Variants in SPINK9 observed in about 807,000 individuals in gnomAD.
SPINK9 encodes serine peptidase inhibitor Kazal type 9.
A neutral mutation model predicts 10.8 loss-of-function variants in SPINK9; 3 were observed. The observed-to-expected ratio is 0.28, with a 90% CI of 0.13 to 0.72. The LOEUF is 0.72. Among genes scored for constraint, SPINK9 ranks in the 30% least tolerant of loss-of-function variants. SPINK9 has a pLI of 0.74. For synonymous variants in SPINK9, 30 were observed against 31.2 expected (o/e 0.96, Z 0.12); for missense variants, 101 against 103.2 (o/e 0.98, Z 0.09).
chr5:148,336,983 G>C (rs1408126171), intron 2 of SPINK9, among the ~76,000 whole-genome samples: 1 of 152,056 alleles, frequency 6.6e-6, no homozygotes, highest in Non-Finnish European at 1.5e-5. Flanking sequence ...TCTAAACTCT[G>C]TTGCTTATTA....
chr5:148,333,403 A>G (rs2113420249), upstream of SPINK9, among the ~76,000 whole-genome samples: 1 of 152,376 alleles, frequency 6.6e-6, no homozygotes, highest in Middle Eastern at 3.4e-3. Flanking sequence ...ATACAGCAGC[A>G]GCACAGCTAC....
intron 2 of SPINK9, among the ~76,000 whole-genome samples, chr5:148,326,993 T>G (rs1174927960): frequency 6.6e-6 from 1 of 152,136 alleles, no homozygotes; most frequent in African/African-American, 2.4e-5. Context: ...TGTGTCTTTA[T>G]AGCAGCATGA....
intron 2 of SPINK9, among the ~76,000 whole-genome samples, chr5:148,324,121 G>A (rs998490354): frequency 1.5e-4 from 23 of 152,012 alleles, no homozygotes; most frequent in Non-Finnish European, 2.5e-4. Context: ...AACATGCATG[G>A]CATATTAAAG....
At chr5:148,326,993 T>C (rs1174927960) in intron 2 of SPINK9, among the ~76,000 whole-genome samples, 6 of 152,136 alleles carry the variant, frequency 3.9e-5, no homozygotes, top group East Asian at 3.8e-4. Flanking sequence ...TGTGTCTTTA[T>C]AGCAGCATGA....
chr5:148,324,990 G>T (rs1757041090), intron 2 of SPINK9, among the ~76,000 whole-genome samples: 2 of 151,922 alleles, frequency 1.3e-5, no homozygotes, highest in Admixed American at 1.3e-4. Flanking sequence ...TCTGTCTGTG[G>T]ACTTGCTATT....
chr5:148,339,708 G>C lies in SPINK9; in HGVS notation c.257G>C (p.Cys86Ser). 6.2e-7 allele frequency: 1 copy of C among 1,611,774 alleles called. No homozygotes were observed. Among genetic ancestry groups the C allele is most frequent in the Non-Finnish European group, 8.5e-7 (1 of 1,178,492 alleles). ...GTLKFVHFGK[C>S] Reference sequence around the variant, plus strand: ...CTTAAATTTGTACATTTTGGAAAATGTTAAATCTATCTTGTGAGTCCAAAA... The same window carrying C: ...CTTAAATTTGTACATTTTGGAAAATCTTAAATCTATCTTGTGAGTCCAAAA... Residue 86 changes from cysteine (C) to serine (S), a missense_variant, in exon 4 of 4, where the codon TGT becomes TCT. Transcript: ENST00000377906.
At chr5:148,332,681 C>T (rs1279837477), upstream of SPINK9, among the ~76,000 whole-genome samples, 1 of 152,124 alleles carries the variant, frequency 6.6e-6, no homozygotes, top group Non-Finnish European at 1.5e-5. Context: ...TTGGACTCTC[C>T]TCAGAAAATA....
At chr5:148,332,299 G>C (rs1310624902), upstream of SPINK9, among the ~76,000 whole-genome samples, 1 of 152,192 alleles carries the variant, frequency 6.6e-6, no homozygotes, top group Non-Finnish European at 1.5e-5. Context: ...TGCCACACAG[G>C]CTGAGTTGTT....
chr5:148,327,088 C>T (rs1757072306), intron 2 of SPINK9, among the ~76,000 whole-genome samples: 1 of 152,162 alleles, frequency 6.6e-6, no homozygotes, highest in Admixed American at 6.5e-5. Context: ...GGAATCGCCA[C>T]ACTGTCTCCC....
At chr5:148,329,590 G>A (rs1473380345) in intron 2 of SPINK9, among the ~76,000 whole-genome samples, 2 of 152,014 alleles carry the variant, frequency 1.3e-5, no homozygotes, top group Non-Finnish European at 2.9e-5. Flanking sequence ...TCTTTTAATT[G>A]TGATGTTAGG....
At chr5:148,337,918 A>G (rs1274690566) in intron 2 of SPINK9, among the ~76,000 whole-genome samples, 4 of 152,092 alleles carry the variant, frequency 2.6e-5, no homozygotes, top group Non-Finnish European at 2.9e-5. Flanking sequence ...TTGCTCTAGG[A>G]ATTTAGAACA....
chr5:148,323,032 G>A lies in SPINK9; in HGVS notation c.-72-647G>A, dbSNP rs555642622. On this transcript the variant is annotated intron_variant, in intron 1 of 4. Transcript: ENST00000511717. ...TATTGCTGTTCAAATTTTAAAACCC[G>A]CCTATAAGCAAAATATAGAAGATAC... Among the ~76,000 whole-genome samples, 16 of 152,002 alleles carry A rather than the reference G, an allele frequency of 1.1e-4. No homozygotes were observed. In the South Asian group the frequency reaches 1.9e-3, roughly 18 times the overall value.
At chr5:148,326,953 G>A (rs1309970492) in intron 2 of SPINK9, among the ~76,000 whole-genome samples, 1 of 151,892 alleles carries the variant, frequency 6.6e-6, no homozygotes, top group East Asian at 1.9e-4. Flanking sequence ...TTGCTATTGT[G>A]AATAATGCCG....
In SPINK9 at chr5:148,321,689, T is replaced by G. The variant is rs72834750; in HGVS notation, c.-73+289T>G. On this transcript the variant is annotated intron_variant, in intron 1 of 4. Transcript: ENST00000511717. ...AGTTATAACTAAAATATCTTTACAT[T>G]ATGTCTAACATATGACCTGTATGAG... Among the ~76,000 whole-genome samples the G allele has an allele frequency of 4.6e-3, 697 of 152,310 alleles. 3 individuals are homozygous for G. The highest frequency in any genetic ancestry group is 7.4e-3 in the Non-Finnish European group (502 of 68,026).
intron 1 of SPINK9, among the ~76,000 whole-genome samples, chr5:148,336,031 T>C (rs1420905120): frequency 3.9e-5 from 6 of 152,182 alleles, no homozygotes; most frequent in Non-Finnish European, 7.3e-5. Flanking sequence ...TGAGTTAAAA[T>C]TGGCCTCCCT....
At chr5:148,324,315 T>A (rs563418802) in intron 2 of SPINK9, among the ~76,000 whole-genome samples, 23 of 152,244 alleles carry the variant, frequency 1.5e-4, no homozygotes, top group African/African-American at 5.5e-4. Context: ...CTCAATAGTA[T>A]GGGTTTGCAA....
intron 1 of SPINK9, 87 bp from the exon 2 acceptor site, chr5:148,336,335 A>T (rs988608317): frequency 7.2e-7 from 1 of 1,387,370 alleles, no homozygotes; most frequent in Non-Finnish European, 1.0e-6. Flanking sequence ...ACAGGCTGAA[A>T]GCTAAAGCAT....
At chr5:148,323,938 A>G (rs1757027829) in intron 2 of SPINK9, 2 of 651,976 alleles carry the variant, frequency 3.1e-6, no homozygotes, top group Non-Finnish European at 5.5e-6. Context: ...AAATAAAGAG[A>G]ATAATCACCC....
At chr5:148,330,822 T>C (rs1757138583), upstream of SPINK9, among the ~76,000 whole-genome samples, 1 of 152,224 alleles carries the variant, frequency 6.6e-6, no homozygotes, top group Non-Finnish European at 1.5e-5. Flanking sequence ...TTAAGAATGT[T>C]GAATATTGGC....
Sources: gnomAD v4.1 joint callset for allele counts (sites outside exome capture counted in the v4.1 genomes callset) on GRCh38, gnomAD v4.1.1 for gene constraint, MANE v1.5 for transcripts, NCBI Gene and HGNC (gene_info 2026-07-23, HGNC 2026-07-21) for gene names.